The following RBM6 variants were observed in gnomAD, a reference collection of about 807,000 sequenced individuals.
RBM6 encodes the protein RNA-binding protein 6.
RBM6 carries 23 observed loss-of-function variants against 140.4 expected under a neutral mutation model. That is an observed-to-expected ratio of 0.16 (90% confidence interval 0.12 to 0.23). The LOEUF (loss-of-function observed/expected upper bound fraction) is 0.23. Among genes scored for constraint, RBM6 ranks in the 10% least tolerant of loss-of-function variants. The pLI is 1.00. For synonymous variants in RBM6, 439 were observed against 475.6 expected, an observed-to-expected ratio of 0.92 and a Z score of 1.00; for missense variants, 1,139 against 1,386.7, an observed-to-expected ratio of 0.82 and a Z score of 2.84.
At chr3:50,068,984 G>T (rs960705442) in intron 18 of RBM6, among the ~76,000 whole-genome samples, 1 of 152,146 alleles carries the variant, frequency 6.6e-6, no homozygotes, top group Admixed American at 6.6e-5. Flanking sequence ...TTTTTTAAAA[G>T]GTGGTGTTAG....
chr3:49,981,245 A>G (rs2085294768), intron 5 of RBM6, among the ~76,000 whole-genome samples: 1 of 152,162 alleles, frequency 6.6e-6, no homozygotes, highest in African/African-American at 2.4e-5. Context: ...TAAGCTGAAG[A>G]CTGCAATCAA....
intron 6 of RBM6, among the ~76,000 whole-genome samples, chr3:50,045,124 C>T (rs879869498): frequency 2.6e-5 from 4 of 152,150 alleles, no homozygotes; most frequent in African/African-American, 4.8e-5. Context: ...GATGGGGACT[C>T]CTGGCAAGGG....
intron 19 of RBM6, among the ~76,000 whole-genome samples, chr3:50,073,357 A>C (rs778732058): frequency 6.6e-6 from 1 of 152,188 alleles, no homozygotes; most frequent in Non-Finnish European, 1.5e-5. Flanking sequence ...GTGTCACCTC[A>C]TGGTGGAAAG....
chr3:50,036,889 C>A (rs1374606508), intron 6 of RBM6, among the ~76,000 whole-genome samples: 1 of 152,122 alleles, frequency 6.6e-6, no homozygotes, highest in Admixed American at 6.6e-5. Context: ...TCAAGTGATT[C>A]TCCTGCCTCA....
chr3:49,941,973 T>C (rs2083302198), intron 1 of RBM6, among the ~76,000 whole-genome samples: 1 of 151,104 alleles, frequency 6.6e-6, no homozygotes, highest in African/African-American at 2.4e-5. Context: ...GGTGGCATGC[T>C]CCTGTTAGCC....
At chr3:49,999,641 A>G (rs778591790) in intron 6 of RBM6, 128 bp downstream of exon 6, 1 of 802,388 alleles carries the variant, frequency 1.2e-6, no homozygotes, top group East Asian at 2.5e-5. Context: ...CTGTATTCCA[A>G]CCATCGGTTG....
chr3:50,044,883 G>C (rs2089141718), intron 6 of RBM6, among the ~76,000 whole-genome samples: 1 of 151,880 alleles, frequency 6.6e-6, no homozygotes, highest in South Asian at 2.1e-4. Flanking sequence ...GACCCTTTTT[G>C]GTTTTGGAAA....
At chr3:49,987,469 C>T (rs554358928) in intron 5 of RBM6, among the ~76,000 whole-genome samples, 1 of 152,082 alleles carries the variant, frequency 6.6e-6, no homozygotes, top group African/African-American at 2.4e-5. Flanking sequence ...GTGCCCGCCA[C>T]TACGCCCAGC....
intron 3 of RBM6, 120 bp from the exon 4 acceptor site, chr3:49,971,939 T>C: frequency 1.4e-6 from 1 of 708,398 alleles, no homozygotes; most frequent in Non-Finnish European, 2.4e-6. Flanking sequence ...ATTGTAATTT[T>C]TTATATCTTC....
chr3:49,974,087 C>T (rs566103719), intron 4 of RBM6, among the ~76,000 whole-genome samples: 19 of 151,196 alleles, frequency 1.3e-4, no homozygotes, highest in African/African-American at 3.2e-4. Flanking sequence ...TTAGTAGAGA[C>T]GGGGTTTCAC....
chr3:49,982,374 C>T (rs1312831333), intron 5 of RBM6, among the ~76,000 whole-genome samples: 1 of 145,418 alleles, frequency 6.9e-6, no homozygotes, highest in South Asian at 2.2e-4. Flanking sequence ...TCCTGAGTAG[C>T]TGGGACTACA....
At chr3:50,052,544 TA>T (rs2089512484) in intron 7 of RBM6, among the ~76,000 whole-genome samples, 1 of 152,248 alleles carries the variant, frequency 6.6e-6, no homozygotes, top group South Asian at 2.1e-4. Context: ...CAGTTGACCA[TA>T]ATCTATAGGT....
chr3:50,021,740 C>CTTTTTTTTTT lies in RBM6; in HGVS notation c.1557+22248_1557+22257dup, dbSNP rs542734328. Among the ~76,000 whole-genome samples the CTTTTTTTTTT allele has an allele frequency of 7.0e-3, 299 of 42,754 alleles. 79 individuals are homozygous for CTTTTTTTTTT. Among genetic ancestry groups the CTTTTTTTTTT allele is most frequent in the Non-Finnish European group, 8.6e-3 (211 of 24,472 alleles). 28.0% of individuals were successfully genotyped at this position (42,754 alleles called of 152,430 possible). A position where few individuals can be genotyped will look rare whatever the true frequency, so the allele number is the denominator to read the frequency against. On this transcript the variant is annotated intron_variant, in intron 6 of 20. Coordinates refer to ENST00000266022, the MANE Select transcript of RBM6 (RefSeq NM_005777.3). ...ATCTCCATACTGAGGAATTTAAGTG[C>CTTTTTTTTTT]TTTTTTTTTTTTTTTTTTTTTTTTT...
intron 1 of RBM6, chr3:49,941,209 G>T (rs962742959): frequency 6.6e-6 from 1 of 152,126 alleles, no homozygotes; most frequent in African/African-American, 2.4e-5. Flanking sequence ...GGTAGGACTG[G>T]CAGTGAAGAA....
At chr3:50,005,158 A>C (rs1351207354) in intron 6 of RBM6, among the ~76,000 whole-genome samples, 1 of 152,162 alleles carries the variant, frequency 6.6e-6, no homozygotes, top group African/African-American at 2.4e-5. Context: ...AGGTATATAT[A>C]GGAAACCAAA....
chr3:50,061,559 GCTT>G lies in RBM6; in HGVS notation c.2439+13_2439+15del, dbSNP rs750685803. On this transcript the variant is annotated intron_variant, in intron 14 of 20. Transcript: ENST00000266022. The stretch of plus-strand genomic sequence containing the variant: ...ACCCCAATACCCAGGTGAGTTTGGG[GCTT>G]TTTTTTTTTTTTTTTTTTTTTTACC... 4 of 1,421,192 alleles carry G rather than the reference GCTT, an allele frequency of 2.8e-6. No homozygotes were observed. Among genetic ancestry groups the G allele is most frequent in the South Asian group, 1.5e-5 (1 of 68,056 alleles). The allele number at this position is 1,421,192 out of a possible 1,614,324, so 88.0% of individuals were successfully genotyped here.
intron 6 of RBM6, among the ~76,000 whole-genome samples, chr3:50,001,126 G>A (rs2086308016): frequency 6.6e-6 from 1 of 152,116 alleles, no homozygotes; most frequent in Admixed American, 6.6e-5. Flanking sequence ...ACCAAATGCT[G>A]ATTGGACATA....
intron 19 of RBM6, 102 bp downstream of exon 19, chr3:50,070,654 T>C (rs1349338132): frequency 1.2e-6 from 1 of 826,144 alleles, no homozygotes; most frequent in African/African-American, 1.7e-5. Context: ...GAGATGATAT[T>C]ATGAGTAGAT....
chr3:50,044,577 G>A (rs542859856), intron 6 of RBM6, among the ~76,000 whole-genome samples: 2 of 148,500 alleles, frequency 1.3e-5, no homozygotes, highest in Non-Finnish European at 3.0e-5. Flanking sequence ...GCGAGACTCC[G>A]TCTCAAAAAA....
Sources: allele counts gnomAD v4.1 joint callset (sites outside exome capture counted in the v4.1 genomes callset), GRCh38; gene constraint gnomAD v4.1.1; transcripts MANE v1.5; gene names NCBI Gene and HGNC (gene_info 2026-07-23, HGNC 2026-07-21).